RNF4: variants seen among roughly 807,000 people sequenced by gnomAD.
RNF4 encodes the protein E3 ubiquitin-protein ligase RNF4.
A neutral mutation model predicts 24.3 loss-of-function variants in RNF4; 7 were observed. The observed-to-expected ratio is 0.29, with a 90% confidence interval of 0.16 to 0.54. The LOEUF (loss-of-function observed/expected upper bound fraction) is 0.54, where lower values mean the gene tolerates loss of function less well. Ranked by LOEUF, RNF4 falls within the 20% of genes least tolerant of loss-of-function variation. The probability of loss-of-function intolerance (pLI) is 0.95; values close to 1 mark genes in which losing one functional copy is unlikely to be tolerated. For synonymous variants in RNF4, 83 were observed against 84.3 expected, an observed-to-expected ratio of 0.98 and a Z score of 0.09; for missense variants, 209 against 248.5, an observed-to-expected ratio of 0.84 and a Z score of 1.07.
intron 1 of RNF4, among the ~76,000 whole-genome samples, chr4:2,484,014 G>T (rs1001732338): frequency 6.0e-5 from 7 of 116,968 alleles, no homozygotes. Flanking sequence ...TTTAGTAGGG[G>T]GTGGGTTTCA....
At chr4:2,470,817 C>T (rs1488061650) in intron 1 of RNF4, among the ~76,000 whole-genome samples, 1 of 121,410 alleles carries the variant, frequency 8.2e-6, no homozygotes, top group Admixed American at 7.5e-5. Flanking sequence ...TTGTGTTTTG[C>T]AAATACTGCC....
At chr4:2,510,247 T>C (rs968085554) in intron 4 of RNF4, among the ~76,000 whole-genome samples, 1 of 152,170 alleles carries the variant, frequency 6.6e-6, no homozygotes. Context: ...ATTCCTAAGC[T>C]TAGTGGATTT....
chr4:2,513,029 A>G, intron 6 of RNF4, 54 bp from the exon 7 acceptor site: 1 of 1,530,026 alleles, frequency 6.5e-7, no homozygotes, highest in South Asian at 1.1e-5. Context: ...GTGACAGGGT[A>G]TAATAAAATG....
intron 3 of RNF4, among the ~76,000 whole-genome samples, chr4:2,499,588 TTTAATA>T (rs35454362): frequency 0.32 from 48,463 of 151,612 alleles, 9,192 homozygotes; most frequent in Admixed American, 0.52. Flanking sequence ...TTCCGTGCTT[TTTAATA>T]TTAATATTAA....
intron 1 of RNF4, among the ~76,000 whole-genome samples, chr4:2,471,684 A>T (rs1734914455): frequency 6.6e-6 from 1 of 152,252 alleles, no homozygotes; most frequent in Non-Finnish European, 1.5e-5. Context: ...ATGAATGATA[A>T]GCCAAACAGC....
chr4:2,489,648 T>C (rs1735521404), intron 1 of RNF4, among the ~76,000 whole-genome samples: 1 of 152,192 alleles, frequency 6.6e-6, no homozygotes, highest in South Asian at 2.1e-4. Context: ...TTGTCCTTGC[T>C]TTGGCTCTCT....
chr4:2,513,803 A>T lies in RNF4; in HGVS notation c.557A>T (p.His186Leu). The stretch of plus-strand genomic sequence containing the variant: ...AAAAAGATCAACCACAAACGGTACC[A>T]CCCCATTTATATATGAAGTATTCAG... ...CRKKINHKRY[H>L]PIYI Residue 186 changes from histidine (H) to leucine (L), a missense_variant, in exon 8 of 8, where the codon CAC (histidine) becomes CTC (leucine). By Grantham distance (99) the His-to-Leu change is moderately conservative. This residue lies in a region of RNF4 where 17 missense variants were observed against 16.2 expected (regional missense o/e 1.05). Coordinates refer to ENST00000314289, the MANE Select transcript of RNF4 (RefSeq NM_002938.5). 1 of 1,613,796 alleles carries T rather than the reference A, an allele frequency of 6.2e-7. No homozygotes were observed. Among genetic ancestry groups the T allele is most frequent in the Non-Finnish European group, 8.5e-7 (1 of 1,179,872 alleles).
chr4:2,472,867 C>T (rs1321194406), intron 1 of RNF4, among the ~76,000 whole-genome samples: 8 of 151,436 alleles, frequency 5.3e-5, no homozygotes, highest in Non-Finnish European at 1.0e-4. Context: ...GGTGAAACCC[C>T]ATCTCTACTA....
At chr4:2,493,785 G>C (rs1735650871) in intron 2 of RNF4, among the ~76,000 whole-genome samples, 2 of 150,396 alleles carry the variant, frequency 1.3e-5, no homozygotes, top group Non-Finnish European at 3.0e-5. Flanking sequence ...ACAAGGGAAG[G>C]AGCCTATACG....
chr4:2,501,431 G>A (rs2108770782), intron 4 of RNF4, among the ~76,000 whole-genome samples: 1 of 152,358 alleles, frequency 6.6e-6, no homozygotes, highest in African/African-American at 2.4e-5. Context: ...CTGGAGCCCA[G>A]GAGGCTGCCT....
chr4:2,492,387 C>G (rs966789353), intron 2 of RNF4, among the ~76,000 whole-genome samples: 1 of 152,150 alleles, frequency 6.6e-6, no homozygotes, highest in African/African-American at 2.4e-5. Context: ...CAGGTGTCTC[C>G]TGGAACCCCT....
At chr4:2,508,925 T>TC (rs1173269767) in intron 4 of RNF4, among the ~76,000 whole-genome samples, 2 of 142,546 alleles carry the variant, frequency 1.4e-5, no homozygotes, top group African/African-American at 2.6e-5. Flanking sequence ...TTTTTTTTTT[T>TC]TTTTTTTTTT....
intron 3 of RNF4, among the ~76,000 whole-genome samples, chr4:2,499,835 A>G (rs1735854171): frequency 6.6e-6 from 1 of 152,128 alleles, no homozygotes; most frequent in Non-Finnish European, 1.5e-5. Context: ...AACTAGGGAG[A>G]CAAACTTGAG....
chr4:2,492,647 G>C (rs1735615784), intron 2 of RNF4, among the ~76,000 whole-genome samples: 1 of 152,190 alleles, frequency 6.6e-6, no homozygotes, highest in Non-Finnish European at 1.5e-5. Flanking sequence ...CTGTCAGAGG[G>C]AACAGTGATG....
At chr4:2,504,138 T>C (rs1252952836) in intron 4 of RNF4, among the ~76,000 whole-genome samples, 1 of 152,194 alleles carries the variant, frequency 6.6e-6, no homozygotes, top group Non-Finnish European at 1.5e-5. Context: ...CCCTGAAAAA[T>C]GAAGGGAAAT....
intron 1 of RNF4, among the ~76,000 whole-genome samples, chr4:2,477,312 G>T (rs536759916): frequency 1.3e-5 from 2 of 151,960 alleles, no homozygotes; most frequent in Non-Finnish European, 2.9e-5. Context: ...TTAGGTCGGG[G>T]GCGGTGGCTG....
At chr4:2,508,911 CTTTTT>C (rs66571775) in intron 4 of RNF4, among the ~76,000 whole-genome samples, 1 of 62,644 alleles carries the variant, frequency 1.6e-5, no homozygotes, top group Non-Finnish European at 2.7e-5. Context: ...TGCCCCAGGC[CTTTTT>C]TTTTTTTTTT....
At chr4:2,471,098 C>G (rs1311622309) in intron 1 of RNF4, 1 of 151,450 alleles carries the variant, frequency 6.6e-6, no homozygotes, top group Non-Finnish European at 1.5e-5. Flanking sequence ...TCCGGAGTAG[C>G]TGGGATTACA....
At chr4:2,478,452 C>T (rs1202676530) in intron 1 of RNF4, among the ~76,000 whole-genome samples, 1 of 152,216 alleles carries the variant, frequency 6.6e-6, no homozygotes, top group African/African-American at 2.4e-5. Context: ...ATCATAGGCC[C>T]AGATGCCCAG....
Sources: gnomAD v4.1 joint callset for allele counts (sites outside exome capture counted in the v4.1 genomes callset) on GRCh38, gnomAD v4.1.1 for gene constraint, gnomAD v4.1.1 regional missense constraint, MANE v1.5 for transcripts, NCBI Gene and HGNC (gene_info 2026-07-23, HGNC 2026-07-21) for gene names.